The following MCTP2 variants were observed in gnomAD, a reference collection of about 807,000 sequenced individuals.
The protein encoded by MCTP2 is multiple C2 and transmembrane domain-containing protein 2.
Under a neutral mutation model 111.6 loss-of-function variants are expected in MCTP2, and 132 were observed. That is an observed-to-expected ratio of 1.18 (90% CI 1.03 to 1.37). MCTP2 has a LOEUF of 1.37. Ranked by LOEUF, MCTP2 falls within the 40% of genes most tolerant of loss-of-function variation. The pLI is 0.00. For synonymous variants in MCTP2, 395 were observed against 387.7 expected (o/e 1.02, Z -0.22); for missense variants, 1,183 against 1,067.9 (o/e 1.11, Z -1.50).
chr15:94,462,880 C>A (rs1190104138), intron 20 of MCTP2, among the ~76,000 whole-genome samples: 1 of 152,158 alleles, frequency 6.6e-6, no homozygotes, highest in Non-Finnish European at 1.5e-5. Context: ...AGGTATTAAT[C>A]ACCTAAAAAT....
chr15:94,340,889 A>C lies in MCTP2; in HGVS notation c.934A>C (p.Asn312His). The change falls in exon 7 of 23, where the codon AAC (asparagine) becomes CAC (histidine). Residue 312 changes from asparagine to histidine, a missense_variant. Coordinates refer to ENST00000357742, the MANE Select transcript of MCTP2 (RefSeq NM_001385001.1). ...DDMGVIVLNL[N>H]LVVKQGDFKR... Reference sequence around the variant, plus strand: ...CATGGGAGTGATCGTGTTAAATTTGAACCTAGTGGTAAAACAGGGTGATTT... The same window carrying C: ...CATGGGAGTGATCGTGTTAAATTTGCACCTAGTGGTAAAACAGGGTGATTT... 1.2e-6 allele frequency: 2 copies of C among 1,612,192 alleles called. No homozygotes were observed. The highest frequency in any genetic ancestry group is 1.1e-5 in the South Asian group (1 of 91,046).
intron 12 of MCTP2, among the ~76,000 whole-genome samples, chr15:94,383,532 C>T (rs149119829): frequency 5.9e-5 from 9 of 152,322 alleles, no homozygotes; most frequent in East Asian, 5.8e-4. Flanking sequence ...CACAGTTCCA[C>T]GTGGCTGGGG....
chr15:94,441,590 A>G (rs1001303571), intron 18 of MCTP2, among the ~76,000 whole-genome samples: 1 of 152,224 alleles, frequency 6.6e-6, no homozygotes, highest in African/African-American at 2.4e-5. Context: ...ATAAGTGTGT[A>G]TGTATGTATA....
chr15:94,320,121 A>G (rs2076558275), intron 4 of MCTP2, among the ~76,000 whole-genome samples: 2 of 148,886 alleles, frequency 1.3e-5, no homozygotes, highest in Non-Finnish European at 3.0e-5. Flanking sequence ...CTGTATTAGG[A>G]GGGAGAATAG....
At position 94,476,806 on chromosome 15, in the gene MCTP2, T is replaced by C. The variant is rs2074404290; in HGVS notation, c.2568+13T>C. On this transcript the variant is annotated intron_variant, in intron 22 of 22. Coordinates refer to ENST00000357742, the MANE Select transcript of MCTP2 (RefSeq NM_001385001.1). ...TGATGTTCAAAAGGTATGTAATGAATGGTTACCACCAACAGTGGCCCCAAC... is the reference window on the plus strand; with the variant it reads ...TGATGTTCAAAAGGTATGTAATGAACGGTTACCACCAACAGTGGCCCCAAC... The C allele has an allele frequency of 6.9e-6, 10 of 1,450,216 alleles. No individual in the cohort carries two copies. In the East Asian group the frequency reaches 1.8e-4, roughly 26 times the overall value. The allele number at this position is 1,450,216 out of a possible 1,614,324, so 89.8% of individuals were successfully genotyped here.
At chr15:94,360,952 G>A (rs945613928) in intron 10 of MCTP2, among the ~76,000 whole-genome samples, 1 of 151,126 alleles carries the variant, frequency 6.6e-6, no homozygotes, top group African/African-American at 2.4e-5. Flanking sequence ...ACCCTGCCTC[G>A]AGCTTGCAGG....
intron 14 of MCTP2, among the ~76,000 whole-genome samples, chr15:94,386,719 G>A (rs2080503078): frequency 6.6e-6 from 1 of 152,102 alleles, no homozygotes; most frequent in Non-Finnish European, 1.5e-5. Context: ...ACTTTAGAGA[G>A]GTCTGGGGGA....
At chr15:94,347,086 A>G (rs2078025848) in intron 8 of MCTP2, among the ~76,000 whole-genome samples, 1 of 152,054 alleles carries the variant, frequency 6.6e-6, no homozygotes, top group Non-Finnish European at 1.5e-5. Flanking sequence ...CACAAGTTAT[A>G]TTTTGCTGGG....
At chr15:94,259,751 T>A (rs1412739350) in intron 1 of MCTP2, among the ~76,000 whole-genome samples, 1 of 152,254 alleles carries the variant, frequency 6.6e-6, no homozygotes, top group Non-Finnish European at 1.5e-5. Flanking sequence ...TTCAGGTTAT[T>A]GCTGTATGAT....
chr15:94,343,362 T>G (rs2077770617), intron 7 of MCTP2: 1 of 152,180 alleles, frequency 6.6e-6, no homozygotes, highest in African/African-American at 2.4e-5. Context: ...TGAGATAATT[T>G]GTTTATAAAT....
chr15:94,416,512 T>G (rs563763935), intron 17 of MCTP2, among the ~76,000 whole-genome samples: 2 of 152,238 alleles, frequency 1.3e-5, no homozygotes, highest in South Asian at 2.1e-4. Context: ...TTTCTCTGAT[T>G]GCATGTTATC....
chr15:94,260,441 CCT>C (rs967619355), intron 1 of MCTP2, among the ~76,000 whole-genome samples: 2 of 152,144 alleles, frequency 1.3e-5, no homozygotes, highest in Non-Finnish European at 2.9e-5. Context: ...TTCTTTCTGC[CCT>C]CTCGTCTTCT....
At chr15:94,244,064 ATG>A (rs1238911938) in intron 1 of MCTP2, among the ~76,000 whole-genome samples, 5 of 147,280 alleles carry the variant, frequency 3.4e-5, no homozygotes, top group Non-Finnish European at 7.6e-5. Context: ...ACACATACAT[ATG>A]TGTATATATT....
At chr15:94,471,198 A>G (rs926256544) in intron 21 of MCTP2, among the ~76,000 whole-genome samples, 20 of 152,230 alleles carry the variant, frequency 1.3e-4, no homozygotes, top group African/African-American at 4.6e-4. Context: ...TTGGAGAAGC[A>G]GTTAGCCGTT....
chr15:94,433,762 A>C (rs1161844654), intron 17 of MCTP2, among the ~76,000 whole-genome samples: 1 of 152,194 alleles, frequency 6.6e-6, no homozygotes, highest in South Asian at 2.1e-4. Context: ...TCAACACTTT[A>C]TATTACCAGT....
chr15:94,448,700 A>G (rs1305804324), intron 19 of MCTP2, among the ~76,000 whole-genome samples: 1 of 152,214 alleles, frequency 6.6e-6, no homozygotes. Context: ...TTGCATCTAG[A>G]TATTTCATTT....
At chr15:94,244,061 CAT>C (rs1206446323) in intron 1 of MCTP2, among the ~76,000 whole-genome samples, 23 of 145,498 alleles carry the variant, frequency 1.6e-4, no homozygotes, top group Non-Finnish European at 3.5e-4. Context: ...TATACACATA[CAT>C]ATGTGTATAT....
chr15:94,328,191 T>C (rs544432933), intron 4 of MCTP2, among the ~76,000 whole-genome samples: 3 of 150,902 alleles, frequency 2.0e-5, no homozygotes, highest in Admixed American at 6.6e-5. Context: ...TGCAGTGGCG[T>C]GATCTCGGCT....
At chr15:94,364,331 A>G (rs2079079361) in intron 10 of MCTP2, among the ~76,000 whole-genome samples, 1 of 152,174 alleles carries the variant, frequency 6.6e-6, no homozygotes, top group Non-Finnish European at 1.5e-5. Context: ...ACCTGCCCAT[A>G]ACAGGGAAAG....
Sources: allele counts gnomAD v4.1 joint callset (sites outside exome capture counted in the v4.1 genomes callset), GRCh38; gene constraint gnomAD v4.1.1; transcripts MANE v1.5; gene names NCBI Gene and HGNC (gene_info 2026-07-23, HGNC 2026-07-21).